MDGA2: variants seen among roughly 807,000 people sequenced by gnomAD.
MDGA2 encodes the protein MAM domain containing glycosylphosphatidylinositol anchor 2, also known as MAM domain-containing glycosylphosphatidylinositol anchor protein 2.
MDGA2 carries 40 observed loss-of-function variants against 117.8 expected under a neutral mutation model. The ratio of observed to expected loss-of-function variants is 0.34; its 90% CI spans 0.26 to 0.44. The LOEUF (loss-of-function observed/expected upper bound fraction) is 0.44. Among genes scored for constraint, MDGA2 ranks in the 20% least tolerant of loss-of-function variants. The pLI is 1.00. For missense variants in MDGA2, 1,123 were observed against 1,250.6 expected (o/e 0.90, Z 1.54); for synonymous variants, 452 against 439.0 (o/e 1.03, Z -0.37).
At chr14:46,919,922 G>C in intron 10 of MDGA2, 90 bp downstream of exon 10, 1 of 1,152,036 alleles carries the variant, frequency 8.7e-7, no homozygotes, top group African/African-American at 1.6e-5. Flanking sequence ...AATATATTTT[G>C]GAATTCATGC....
intron 3 of MDGA2, among the ~76,000 whole-genome samples, chr14:47,217,312 T>C (rs565515758): frequency 1.1e-4 from 16 of 152,082 alleles, no homozygotes; most frequent in Non-Finnish European, 2.2e-4. Flanking sequence ...AATGAAGTGA[T>C]AGAAAAACCT....
chr14:47,629,527 T>C (rs1897215178), intron 1 of MDGA2, among the ~76,000 whole-genome samples: 1 of 152,304 alleles, frequency 6.6e-6, no homozygotes, highest in East Asian at 1.9e-4. Flanking sequence ...ATCTTCCATA[T>C]AAAGGCATTG....
chr14:46,986,464 C>T (rs1375504807), intron 8 of MDGA2, among the ~76,000 whole-genome samples: 1 of 152,060 alleles, frequency 6.6e-6, no homozygotes, highest in Non-Finnish European at 1.5e-5. Context: ...ACAACCTGGG[C>T]ATCTGCCAAC....
chr14:47,352,985 TAG>T (rs570985069), intron 1 of MDGA2, among the ~76,000 whole-genome samples: 33 of 152,318 alleles, frequency 2.2e-4, no homozygotes, highest in African/African-American at 7.9e-4. Flanking sequence ...AGGTGCAGAA[TAG>T]ACAGTACACC....
rs757058763 is a variant in MDGA2, at chr14:47,181,686, A to AT, written c.595+36334dup. Among the ~76,000 whole-genome samples, 8 of 151,928 alleles carry AT rather than the reference A, an allele frequency of 5.3e-5. 1 individual carries two copies. The highest frequency in any genetic ancestry group is 4.2e-4 in the South Asian group (2 of 4,818). ...GAAATTTAGTTTTATCTTCTCAATT[A>AT]TTTTTTTTCCTACTAAATAAGTGAA... On this transcript the variant is annotated intron_variant, in intron 3 of 16. Transcript: ENST00000399232.
rs1408757373 is a variant in MDGA2 at position 46,884,340 on chromosome 14, G to T, written c.2239-2119C>A. On this transcript the variant is annotated intron_variant, in intron 10 of 16. Transcript: ENST00000399232. This position sits in a 1 kb window ranked among gnomAD's most constrained non-coding sequence, Gnocchi z 4.1. ...GGCAGAAATTCTGTTACTTTTGAAT[G>T]CCATTTTCCCTTGGATTTTTACGTA... is the stretch of plus-strand genomic sequence containing the variant. 6.6e-6 allele frequency among the ~76,000 whole-genome samples: 1 copy of T among 152,086 alleles called. No individual in the cohort carries two copies. The highest frequency in any genetic ancestry group is 1.5e-5 in the Non-Finnish European group (1 of 68,020).
intron 5 of MDGA2, among the ~76,000 whole-genome samples, chr14:47,131,005 C>A (rs969657335): frequency 2.6e-5 from 4 of 151,846 alleles, no homozygotes; most frequent in African/African-American, 9.7e-5. Context: ...TACCCTAGAA[C>A]TTAAAGTATA....
chr14:46,988,076 A>C (rs1488902645), intron 8 of MDGA2, among the ~76,000 whole-genome samples: 1 of 151,970 alleles, frequency 6.6e-6, no homozygotes, highest in Non-Finnish European at 1.5e-5. Flanking sequence ...AATAGTAGTA[A>C]AGAGTGGAGA....
intron 10 of MDGA2, 52 bp from the exon 11 acceptor site, chr14:46,882,273 A>G: frequency 6.8e-7 from 1 of 1,469,684 alleles, no homozygotes; most frequent in Non-Finnish European, 9.1e-7. Flanking sequence ...CTTCAGAGGT[A>G]CTAAGAAAAT....
intron 1 of MDGA2, among the ~76,000 whole-genome samples, chr14:47,545,439 A>C (rs1462237575): frequency 6.6e-6 from 1 of 152,188 alleles, no homozygotes. Context: ...AGGGGCAGGG[A>C]TCATGTGAGA....
At chr14:47,273,761 G>A (rs1321374727) in intron 2 of MDGA2, among the ~76,000 whole-genome samples, 1 of 152,102 alleles carries the variant, frequency 6.6e-6, no homozygotes, top group Non-Finnish European at 1.5e-5. Context: ...CTGTTTGAAT[G>A]TAAAGGATAA....
chr14:47,174,965 A>T lies in MDGA2; in HGVS notation c.596-30691T>A, dbSNP rs576062126. Among the ~76,000 whole-genome samples the T allele has an allele frequency of 1.6e-3, 238 of 152,250 alleles. 2 individuals carry two copies. Among genetic ancestry groups the T allele is most frequent in the African/African-American group, 5.5e-3 (229 of 41,530 alleles). ...GATGCAATAAAAAATGATAAAGGGG[A>T]TATCACCACCAATCCCACAGAAATA... On this transcript the variant is annotated intron_variant, in intron 3 of 16. Coordinates refer to ENST00000399232, the MANE Select transcript of MDGA2 (RefSeq NM_001113498.3).
At chr14:47,066,723 G>GAAGA (rs71112480) in intron 6 of MDGA2, among the ~76,000 whole-genome samples, 96,277 of 151,436 alleles carry the variant, frequency 0.64, 31,058 homozygotes, top group East Asian at 0.85. Flanking sequence ...TTGATAATCT[G>GAAGA]AAGATGGAAG....
At chr14:46,865,623 A>G (rs796127419) in intron 14 of MDGA2, among the ~76,000 whole-genome samples, 23 of 152,156 alleles carry the variant, frequency 1.5e-4, no homozygotes, top group African/African-American at 5.3e-4. Context: ...AGACGACATG[A>G]TTGTATATCT....
intron 1 of MDGA2, among the ~76,000 whole-genome samples, chr14:47,317,331 C>T (rs917082033): frequency 6.6e-6 from 1 of 152,038 alleles, no homozygotes; most frequent in African/African-American, 2.4e-5. Flanking sequence ...TTTAAATAAA[C>T]AGAGAAGTAA....
intron 6 of MDGA2, among the ~76,000 whole-genome samples, chr14:47,068,849 T>G (rs1890175763): frequency 2.0e-5 from 3 of 152,282 alleles, no homozygotes; most frequent in South Asian, 2.1e-4. Flanking sequence ...TGAGACTAAC[T>G]TAATCTAAAA....
At chr14:47,027,080 C>T (rs1184391495) in intron 8 of MDGA2, among the ~76,000 whole-genome samples, 4 of 151,682 alleles carry the variant, frequency 2.6e-5, no homozygotes, top group African/African-American at 9.7e-5. Flanking sequence ...GGTTGAGGAT[C>T]GCCTGGGCCA....
intron 2 of MDGA2, among the ~76,000 whole-genome samples, chr14:47,269,151 T>A (rs981377300): frequency 2.0e-5 from 3 of 152,154 alleles, no homozygotes; most frequent in African/African-American, 7.2e-5. Context: ...CTGTCATCCT[T>A]AAGATCACTG....
At chr14:47,377,184 G>C (rs1394972975) in intron 1 of MDGA2, among the ~76,000 whole-genome samples, 1 of 152,146 alleles carries the variant, frequency 6.6e-6, no homozygotes, top group East Asian at 1.9e-4. Flanking sequence ...ATCCATTGAT[G>C]AAACAGAGGA....
Sources: gnomAD v4.1 joint callset for allele counts (sites outside exome capture counted in the v4.1 genomes callset) on GRCh38, gnomAD v4.1.1 for gene constraint, Gnocchi (gnomAD v3.1) non-coding constraint, MANE v1.5 for transcripts, NCBI Gene and HGNC (gene_info 2026-07-23, HGNC 2026-07-21) for gene names.